ZNF804B: variants seen among roughly 807,000 people sequenced by gnomAD.
ZNF804B encodes the protein zinc finger 804B.
A neutral mutation model predicts 101.4 loss-of-function variants in ZNF804B; 80 were observed. The ratio of observed to expected loss-of-function variants is 0.79; its 90% confidence interval spans 0.66 to 0.95. The LOEUF is 0.95. ZNF804B is among the 40% of genes least tolerant of loss of function. The probability of loss-of-function intolerance (pLI) is 0.00; values close to 1 mark genes in which losing one functional copy is unlikely to be tolerated. For synonymous variants in ZNF804B, 622 were observed against 558.8 expected, an observed-to-expected ratio of 1.11 and a Z score of -1.59; for missense variants, 1,673 against 1,561.9, an observed-to-expected ratio of 1.07 and a Z score of -1.20.
rs1793460268 is a variant in ZNF804B at position 88,966,767 on chromosome 7, C to T, written c.108+206683C>T. 2.0e-5 allele frequency among the ~76,000 whole-genome samples: 3 copies of T among 151,524 alleles called. No individual in the cohort carries two copies. The South Asian group carries it at 6.2e-4, about 32-fold the overall frequency. On this transcript the variant is annotated intron_variant, in intron 1 of 3. Coordinates refer to ENST00000333190, the MANE Select transcript of ZNF804B (RefSeq NM_181646.5). The stretch of plus-strand genomic sequence containing the variant: ...ATCTAGACACACACATACATACACA[C>T]ACACACAAACACACACAATACATAT...
At chr7:88,982,918 C>G (rs1211737038) in intron 1 of ZNF804B, among the ~76,000 whole-genome samples, 1 of 152,046 alleles carries the variant, frequency 6.6e-6, no homozygotes. Context: ...AGAGAGACAG[C>G]TGAAATGCTT....
chr7:88,860,724 C>G (rs190453013), intron 1 of ZNF804B, among the ~76,000 whole-genome samples: 5 of 151,876 alleles, frequency 3.3e-5, no homozygotes, highest in African/African-American at 9.7e-5. Context: ...CAAATAGACA[C>G]GAATACAAGA....
At chr7:89,309,759 CAAAAAAAAAAAAAAAAAAAA>C (rs397791531) in intron 2 of ZNF804B, among the ~76,000 whole-genome samples, 37,431 of 70,794 alleles carry the variant, frequency 0.53, 6,386 homozygotes, top group Admixed American at 0.57. Flanking sequence ...GACCCTGTCT[CAAAAAAAAAAAAAAAAAAAA>C]AAAAAAAAAA....
chr7:89,120,590 G>A (rs1416987572), intron 1 of ZNF804B, among the ~76,000 whole-genome samples: 11 of 137,142 alleles, frequency 8.0e-5, no homozygotes, highest in Admixed American at 2.3e-4. Context: ...CCCGGGAGGC[G>A]GAGCTTGCAG....
intron 1 of ZNF804B, among the ~76,000 whole-genome samples, chr7:89,022,701 T>G (rs1383305190): frequency 6.6e-6 from 1 of 152,182 alleles, no homozygotes; most frequent in African/African-American, 2.4e-5. Flanking sequence ...AAGAGCAAGA[T>G]ATCACAGAAA....
At chr7:88,847,111 G>A (rs538631396) in intron 1 of ZNF804B, among the ~76,000 whole-genome samples, 4 of 151,924 alleles carry the variant, frequency 2.6e-5, no homozygotes, top group African/African-American at 9.7e-5. Context: ...TACTCTCAGT[G>A]TAAATTAGTT....
chr7:89,154,780 G>A (rs888571776), intron 1 of ZNF804B, among the ~76,000 whole-genome samples: 1 of 151,992 alleles, frequency 6.6e-6, no homozygotes, highest in Admixed American at 6.6e-5. Flanking sequence ...AATAGTAAGA[G>A]AGAATGAATA....
chr7:88,954,716 T>C (rs910041874), intron 1 of ZNF804B, among the ~76,000 whole-genome samples: 1 of 151,722 alleles, frequency 6.6e-6, no homozygotes, highest in Non-Finnish European at 1.5e-5. Flanking sequence ...TAGTTTCCTT[T>C]CCTAGAAAAA....
intron 2 of ZNF804B, among the ~76,000 whole-genome samples, chr7:89,239,353 C>T (rs1261804235): frequency 6.6e-6 from 1 of 152,116 alleles, no homozygotes; most frequent in African/African-American, 2.4e-5. Flanking sequence ...TTTGAATTGG[C>T]AATATGCCTT....
At chr7:89,280,933 T>G (rs1790084957) in intron 2 of ZNF804B, among the ~76,000 whole-genome samples, 1 of 152,202 alleles carries the variant, frequency 6.6e-6, no homozygotes, top group Non-Finnish European at 1.5e-5. Context: ...GATGTTTATA[T>G]TTTAATGTCT....
At chr7:89,310,372 TA>T (rs1273132270) in intron 2 of ZNF804B, among the ~76,000 whole-genome samples, 2 of 152,172 alleles carry the variant, frequency 1.3e-5, no homozygotes, top group Non-Finnish European at 2.9e-5. Context: ...CTCAACTCAA[TA>T]CTATCTTTAG....
At chr7:89,279,189 G>C (rs1016120960) in intron 2 of ZNF804B, among the ~76,000 whole-genome samples, 2 of 152,004 alleles carry the variant, frequency 1.3e-5, no homozygotes, top group South Asian at 4.1e-4. Flanking sequence ...TGTGATTTTT[G>C]CACATTGATT....
chr7:89,049,603 C>T (rs911693017), intron 1 of ZNF804B, among the ~76,000 whole-genome samples: 4 of 151,914 alleles, frequency 2.6e-5, no homozygotes, highest in Non-Finnish European at 5.9e-5. Context: ...CCGGAAAAGT[C>T]CCTGATGAAT....
intron 2 of ZNF804B, among the ~76,000 whole-genome samples, chr7:89,282,057 C>T (rs1028264024): frequency 1.3e-5 from 2 of 151,706 alleles, no homozygotes; most frequent in Non-Finnish European, 2.9e-5. Flanking sequence ...AAAAATTAGC[C>T]GGGCGTGGTG....
intron 1 of ZNF804B, among the ~76,000 whole-genome samples, chr7:88,812,979 G>T (rs1267104693): frequency 6.6e-6 from 1 of 151,448 alleles, no homozygotes; most frequent in African/African-American, 2.4e-5. Context: ...AGATGTGAAT[G>T]TACCTCACAC....
intron 1 of ZNF804B, among the ~76,000 whole-genome samples, chr7:88,810,461 T>G (rs141545962): frequency 2.7e-5 from 4 of 150,372 alleles, no homozygotes; most frequent in African/African-American, 9.8e-5. Flanking sequence ...GAGACCAGCC[T>G]GGGCAATATG....
chr7:88,824,356 C>G (rs36052089), intron 1 of ZNF804B, among the ~76,000 whole-genome samples: 36,660 of 151,970 alleles, frequency 0.24, 5,375 homozygotes, highest in East Asian at 0.7. Context: ...ATTTCCCCCA[C>G]TTCCTCCACA....
intron 2 of ZNF804B, among the ~76,000 whole-genome samples, chr7:89,317,301 G>T (rs568651244): frequency 1.3e-5 from 2 of 152,350 alleles, no homozygotes; most frequent in Admixed American, 1.3e-4. Flanking sequence ...CTGTTACTAA[G>T]TGAAGGGGTG....
chr7:89,149,393 T>C (rs1790836988), intron 1 of ZNF804B, among the ~76,000 whole-genome samples: 1 of 152,084 alleles, frequency 6.6e-6, no homozygotes, highest in African/African-American at 2.4e-5. Flanking sequence ...AAATCTGTCA[T>C]TCCCTTAAGT....
Sources: gnomAD v4.1 joint callset for allele counts (sites outside exome capture counted in the v4.1 genomes callset) on GRCh38, gnomAD v4.1.1 for gene constraint, MANE v1.5 for transcripts, NCBI Gene and HGNC (gene_info 2026-07-23, HGNC 2026-07-21) for gene names.